The following OSBPL10 variants were observed in gnomAD, a reference collection of about 807,000 sequenced individuals.
OSBPL10 encodes oxysterol binding protein like 10, also known as oxysterol-binding protein-related protein 10.
OSBPL10 carries 49 observed loss-of-function variants against 81.7 expected under a neutral mutation model. The ratio of observed to expected loss-of-function variants is 0.60; its 90% CI spans 0.48 to 0.76. The LOEUF (loss-of-function observed/expected upper bound fraction) is 0.76. OSBPL10 is among the 30% of genes least tolerant of loss of function. The pLI is 0.00. For synonymous variants in OSBPL10, 419 were observed against 383.6 expected (o/e 1.09, Z -1.08); for missense variants, 923 against 987.8 (o/e 0.93, Z 0.88).
chr3:31,942,041 G>A (rs1328026024), intron 1 of OSBPL10, among the ~76,000 whole-genome samples: 2 of 151,964 alleles, frequency 1.3e-5, no homozygotes, highest in South Asian at 2.1e-4. Context: ...TTGGGAAGCC[G>A]AGGCGGGTGG....
At chr3:31,835,977 A>C (rs1226699745) in intron 3 of OSBPL10, among the ~76,000 whole-genome samples, 1 of 152,202 alleles carries the variant, frequency 6.6e-6, no homozygotes, top group Non-Finnish European at 1.5e-5. Flanking sequence ...TATTTTGCTT[A>C]ATTGCTTCAT....
intron 1 of OSBPL10, among the ~76,000 whole-genome samples, chr3:31,964,599 G>A (rs149128520): frequency 6.6e-6 from 1 of 152,146 alleles, no homozygotes; most frequent in Non-Finnish European, 1.5e-5. Flanking sequence ...GTCTGAGTTG[G>A]AGTCAATTAA....
intron 3 of OSBPL10, among the ~76,000 whole-genome samples, chr3:31,856,809 C>T (rs752633216): frequency 3.3e-4 from 50 of 152,308 alleles, no homozygotes; most frequent in Middle Eastern, 3.4e-3. Flanking sequence ...GACACAGTGG[C>T]TCATGCCTGT....
chr3:31,767,514 T>C (rs936916547), intron 4 of OSBPL10, among the ~76,000 whole-genome samples: 3 of 152,204 alleles, frequency 2.0e-5, no homozygotes, highest in African/African-American at 7.2e-5. Flanking sequence ...GTCAAAGTCC[T>C]ACCAGGCTTC....
rs1159046655 is a variant in OSBPL10 at position 31,965,448 on chromosome 3, A to G, written c.281+15451T>C. On this transcript the variant is annotated intron_variant, in intron 1 of 11. Coordinates refer to ENST00000396556, the MANE Select transcript of OSBPL10 (RefSeq NM_017784.5). ...ATAGATAATATATAATATATATTAT[A>G]TAATATATAATTTATATAATATATA... Among the ~76,000 whole-genome samples the G allele has an allele frequency of 2.2e-4, 16 of 72,702 alleles. 1 individual carries two copies. Among genetic ancestry groups the G allele is most frequent in the African/African-American group, 1.9e-3 (16 of 8,540 alleles). The allele number at this position is 72,702 out of a possible 152,430, so 47.7% of individuals were successfully genotyped here.
intron 6 of OSBPL10, among the ~76,000 whole-genome samples, chr3:31,717,497 G>A (rs1399773803): frequency 1.3e-5 from 2 of 152,032 alleles, no homozygotes; most frequent in Non-Finnish European, 2.9e-5. Context: ...CTAGCATTTT[G>A]TAGAAAAAAA....
At chr3:31,798,880 T>A (rs967346363) in intron 4 of OSBPL10, among the ~76,000 whole-genome samples, 50 of 152,196 alleles carry the variant, frequency 3.3e-4, no homozygotes, top group African/African-American at 1.2e-3. Context: ...ACCAGTTTTG[T>A]GGAAGACAAT....
intron 4 of OSBPL10, among the ~76,000 whole-genome samples, chr3:31,754,471 G>A (rs1171741479): frequency 1.3e-5 from 2 of 151,994 alleles, no homozygotes; most frequent in Non-Finnish European, 2.9e-5. Flanking sequence ...CAAAGAAAAA[G>A]AAGAAAGGAA....
intron 2 of OSBPL10, among the ~76,000 whole-genome samples, chr3:32,021,102 T>A (rs573198437): frequency 6.8e-6 from 1 of 147,670 alleles, no homozygotes; most frequent in Admixed American, 6.6e-5. Context: ...CCCATCCTCA[T>A]TACCTCATTT....
At chr3:31,847,829 AG>A (rs1286070243) in intron 3 of OSBPL10, among the ~76,000 whole-genome samples, 1 of 152,084 alleles carries the variant, frequency 6.6e-6, no homozygotes, top group Non-Finnish European at 1.5e-5. Context: ...ACACCTTCCA[AG>A]GCTGGAGGAT....
intron 4 of OSBPL10, among the ~76,000 whole-genome samples, chr3:31,812,804 A>AAGAAAGAAAGAG (rs1559476489): frequency 8.9e-5 from 5 of 56,060 alleles, no homozygotes; most frequent in Non-Finnish European, 1.4e-4. Context: ...GAAAGAAAGA[A>AAGAAAGAAAGAG]AGAAAGAAAG....
At chr3:31,832,968 G>A (rs1007942317) in intron 3 of OSBPL10, among the ~76,000 whole-genome samples, 1 of 152,144 alleles carries the variant, frequency 6.6e-6, no homozygotes, top group Non-Finnish European at 1.5e-5. Context: ...TCAGAGTTTG[G>A]GTTTACCTTG....
intron 3 of OSBPL10, among the ~76,000 whole-genome samples, chr3:31,854,027 T>A (rs1321590356): frequency 6.6e-6 from 1 of 152,230 alleles, no homozygotes; most frequent in Non-Finnish European, 1.5e-5. Flanking sequence ...GCGCCTGGCA[T>A]TTTGATCAAG....
chr3:31,823,643 C>T (rs4131543), intron 4 of OSBPL10, among the ~76,000 whole-genome samples: 112,598 of 152,106 alleles, frequency 0.74, 42,408 homozygotes, highest in East Asian at 0.95. Flanking sequence ...TTCTAAAATA[C>T]TTTATTTAAC....
chr3:31,675,206 T>G (rs1381760991), intron 8 of OSBPL10, among the ~76,000 whole-genome samples: 2 of 152,178 alleles, frequency 1.3e-5, no homozygotes, highest in Non-Finnish European at 2.9e-5. Flanking sequence ...ACCTCTTGCA[T>G]GTCTAGCAGG....
At chr3:32,014,461 T>A (rs1699293984) in intron 2 of OSBPL10, among the ~76,000 whole-genome samples, 1 of 152,112 alleles carries the variant, frequency 6.6e-6, no homozygotes, top group Non-Finnish European at 1.5e-5. Flanking sequence ...TAATAAGAGC[T>A]ATCTATGACA....
chr3:31,766,329 G>GTTTTTTTTTT (rs148986285), intron 4 of OSBPL10, among the ~76,000 whole-genome samples: 2 of 22,578 alleles, frequency 8.9e-5, no homozygotes, highest in African/African-American at 1.5e-4. Context: ...TAGTTTTTTT[G>GTTTTTTTTTT]TTTTTTTGTT....
At chr3:31,992,413 T>C (rs1699043779) in intron 2 of OSBPL10, among the ~76,000 whole-genome samples, 1 of 152,066 alleles carries the variant, frequency 6.6e-6, no homozygotes, top group African/African-American at 2.4e-5. Context: ...AAAATGGGTC[T>C]TACATGGTAA....
chr3:31,921,427 C>G (rs1696912102), intron 1 of OSBPL10, among the ~76,000 whole-genome samples: 1 of 151,998 alleles, frequency 6.6e-6, no homozygotes, highest in Non-Finnish European at 1.5e-5. Flanking sequence ...CTTGTAGTAC[C>G]AGGAAGTAAG....
Sources: allele counts gnomAD v4.1 joint callset (sites outside exome capture counted in the v4.1 genomes callset), GRCh38; gene constraint gnomAD v4.1.1; transcripts MANE v1.5; gene names NCBI Gene and HGNC (gene_info 2026-07-23, HGNC 2026-07-21).